Variants in PTPN13 observed in about 807,000 individuals in gnomAD.
PTPN13 encodes the protein protein tyrosine phosphatase non-receptor type 13.
Under a neutral mutation model 284.0 loss-of-function variants are expected in PTPN13, and 191 were observed. The ratio of observed to expected loss-of-function variants is 0.67; its 90% CI spans 0.60 to 0.76. PTPN13 has a LOEUF of 0.76. Ranked by LOEUF, PTPN13 falls within the 30% of genes least tolerant of loss-of-function variation. PTPN13 has a pLI of 0.00. For synonymous variants in PTPN13, 986 were observed against 1,022.3 expected (o/e 0.96, Z 0.68); for missense variants, 2,797 against 2,939.9 (o/e 0.95, Z 1.12).
Position 86,784,514 on chromosome 4 carries a change from C to A in PTPN13, c.6074C>A (p.Ser2025Tyr). 6.2e-7 allele frequency: 1 copy of A among 1,608,516 alleles called. No homozygotes were observed. Among genetic ancestry groups the A allele is most frequent in the South Asian group, 1.1e-5 (1 of 89,970 alleles). Residue 2025 changes from serine to tyrosine, a missense_variant, in exon 38 of 48, where the codon TCT (serine) becomes TAT (tyrosine). Transcript: ENST00000411767. ...NEISYPKGKC[S>Y]TYQIKGSPNL... ...ATATCGTACCCCAAAGGAAAATGTT[C>A]TACTTATCAGATAAAGGGATCACCA...
At chr4:86,764,124 T>G (rs1200707991) in intron 24 of PTPN13, among the ~76,000 whole-genome samples, 1 of 152,204 alleles carries the variant, frequency 6.6e-6, no homozygotes, top group Non-Finnish European at 1.5e-5. Flanking sequence ...AAATCCCATT[T>G]TAGAGGCTTG....
Position 86,612,766 on chromosome 4 carries a change from A to G in PTPN13, c.-6+17977A>G, listed in dbSNP as rs188844531. On this transcript the variant is annotated intron_variant, in intron 1 of 47. Coordinates refer to ENST00000411767, the MANE Select transcript of PTPN13 (RefSeq NM_080683.3). ...TACGTACAGAGGAACAAAGATGACTATTACAGTATATTACTTGTCAAAAAT... is the reference window on the plus strand; with the variant it reads ...TACGTACAGAGGAACAAAGATGACTGTTACAGTATATTACTTGTCAAAAAT... Among the ~76,000 whole-genome samples, 48 of 152,360 alleles carry G rather than the reference A, an allele frequency of 3.2e-4. 1 individual carries two copies. Among genetic ancestry groups the G allele is most frequent in the African/African-American group, 1.1e-3 (46 of 41,580 alleles).
chr4:86,757,803 T>TCAAGAACTTACTAAGAATATTTTACC (rs1474327875), intron 20 of PTPN13, among the ~76,000 whole-genome samples: 1 of 151,188 alleles, frequency 6.6e-6, no homozygotes, highest in Non-Finnish European at 1.5e-5. Context: ...GCTATTTTAC[T>TCAAGAACTTACTAAGAATATTTTACC]CAAGAACTTA....
At chr4:86,796,801 AAC>A (rs1743390309) in intron 40 of PTPN13, 71 bp from the exon 41 acceptor site, 2 of 946,358 alleles carry the variant, frequency 2.1e-6, no homozygotes, top group African/African-American at 3.3e-5. Context: ...GGAAATAACT[AAC>A]AGGAAAAAAA....
chr4:86,717,474 T>C (rs1329909975), intron 9 of PTPN13, among the ~76,000 whole-genome samples: 1 of 152,010 alleles, frequency 6.6e-6, no homozygotes, highest in African/African-American at 2.4e-5. Flanking sequence ...CAGGTGTGAA[T>C]CAAGTAGAAT....
intron 39 of PTPN13, 137 bp downstream of exon 39, chr4:86,785,505 G>A: frequency 1.2e-6 from 1 of 810,282 alleles, no homozygotes; most frequent in Non-Finnish European, 1.8e-6. Flanking sequence ...AAACAAAACA[G>A]AATTTGTTAT....
At chr4:86,678,426 A>T (rs1234699304) in intron 3 of PTPN13, among the ~76,000 whole-genome samples, 2 of 152,216 alleles carry the variant, frequency 1.3e-5, no homozygotes, top group Non-Finnish European at 2.9e-5. Flanking sequence ...ATTCTTCTGG[A>T]TAGAGGGATC....
intron 2 of PTPN13, among the ~76,000 whole-genome samples, chr4:86,638,428 A>G (rs569434985): frequency 6.6e-6 from 1 of 152,332 alleles, no homozygotes; most frequent in South Asian, 2.1e-4. Flanking sequence ...ACTTCAAACT[A>G]TACTACAAGG....
chr4:86,737,433 G>A (rs1565451814), intron 15 of PTPN13, among the ~76,000 whole-genome samples: 1 of 151,764 alleles, frequency 6.6e-6, no homozygotes, highest in Non-Finnish European at 1.5e-5. Context: ...TATCATCTAT[G>A]TCTGCATTCA....
intron 1 of PTPN13, among the ~76,000 whole-genome samples, chr4:86,618,181 G>C (rs1013710063): frequency 2.0e-5 from 3 of 152,058 alleles, no homozygotes; most frequent in Non-Finnish European, 2.9e-5. Context: ...TATTAAATAG[G>C]GAATCGTTTC....
chr4:86,696,704 G>T (rs1053920916), intron 6 of PTPN13, among the ~76,000 whole-genome samples: 1 of 151,864 alleles, frequency 6.6e-6, no homozygotes, highest in African/African-American at 2.4e-5. Context: ...ATTGTTTGTT[G>T]ATTTTATCCT....
At chr4:86,736,450 G>A (rs1385293119) in intron 15 of PTPN13, among the ~76,000 whole-genome samples, 1 of 152,096 alleles carries the variant, frequency 6.6e-6, no homozygotes, top group Non-Finnish European at 1.5e-5. Context: ...ATTCACTGCT[G>A]CATATAGAAA....
At chr4:86,613,190 G>A (rs1720121162) in intron 1 of PTPN13, among the ~76,000 whole-genome samples, 1 of 152,182 alleles carries the variant, frequency 6.6e-6, no homozygotes, top group Non-Finnish European at 1.5e-5. Context: ...CTTACTGTGG[G>A]CAAGGAATAT....
At position 86,693,653 on chromosome 4, in the gene PTPN13, C is replaced by T. The variant is rs186020559; in HGVS notation, c.613C>T (p.Arg205Ter). ...AAGCCAGGCTATTCGAGATCGATTG[C>T]GAGGAAAAGGATTACCAACAGGTAA... ...DRSQAIRDRL[R>*]GKGLPTGRSS... The change falls in exon 6 of 48, where the codon CGA (arginine) becomes TGA (stop). Residue 205 changes from arginine to a stop codon, truncating the protein, a stop_gained. Coordinates refer to ENST00000411767, the MANE Select transcript of PTPN13 (RefSeq NM_080683.3). LOFTEE classifies it high-confidence loss of function. The T allele has an allele frequency of 4.5e-6, 7 of 1,551,756 alleles. No individual in the cohort carries two copies. The highest frequency in any genetic ancestry group is 2.4e-5 in the East Asian group (1 of 42,180).
intron 9 of PTPN13, among the ~76,000 whole-genome samples, chr4:86,718,455 C>CT (rs796389778): frequency 2.6e-3 from 366 of 139,846 alleles, no homozygotes; most frequent in Middle Eastern, 3.8e-3. Context: ...TAATGGTCCA[C>CT]TTTTTTTTTT....
At chr4:86,619,775 T>C (rs184937888) in intron 1 of PTPN13, among the ~76,000 whole-genome samples, 3,623 of 151,594 alleles carry the variant, frequency 0.024, 53 homozygotes, top group Middle Eastern at 0.065. Context: ...TTTTTTTTTT[T>C]CCCCCAATAC....
At chr4:86,619,802 G>T (rs1721012403) in intron 1 of PTPN13, among the ~76,000 whole-genome samples, 1 of 151,170 alleles carries the variant, frequency 6.6e-6, no homozygotes, top group African/African-American at 2.4e-5. Context: ...CCATGATGAG[G>T]TCATGGAGAG....
At chr4:86,603,153 G>A (rs946452001) in intron 1 of PTPN13, among the ~76,000 whole-genome samples, 5 of 152,074 alleles carry the variant, frequency 3.3e-5, no homozygotes, top group Non-Finnish European at 7.4e-5. Context: ...GTTTTAGAAA[G>A]GTGAGTGATA....
intron 40 of PTPN13, among the ~76,000 whole-genome samples, chr4:86,790,955 C>T (rs1351790115): frequency 6.6e-6 from 1 of 152,148 alleles, no homozygotes; most frequent in African/African-American, 2.4e-5. Context: ...TTCTGCATTT[C>T]CAACTGAGGT....
Sources: gnomAD v4.1 joint callset for allele counts (sites outside exome capture counted in the v4.1 genomes callset) on GRCh38, gnomAD v4.1.1 for gene constraint, MANE v1.5 for transcripts, NCBI Gene and HGNC (gene_info 2026-07-23, HGNC 2026-07-21) for gene names.